Variants in FAM114A1 observed in about 807,000 individuals in gnomAD.
FAM114A1 encodes family with sequence similarity 114 member A1.
A neutral mutation model predicts 64.3 loss-of-function variants in FAM114A1; 62 were observed. The observed-to-expected ratio is 0.96, with a 90% CI of 0.79 to 1.19. The LOEUF (loss-of-function observed/expected upper bound fraction) is 1.19. Among genes scored for constraint, FAM114A1 ranks in the 50% most tolerant of loss-of-function variants. The pLI is 0.00. For synonymous variants in FAM114A1, 254 were observed against 251.1 expected (o/e 1.01, Z -0.11); for missense variants, 645 against 676.3 (o/e 0.95, Z 0.51).
At chr4:38,922,502 T>G (rs558042756) in intron 8 of FAM114A1, among the ~76,000 whole-genome samples, 5 of 152,238 alleles carry the variant, frequency 3.3e-5, no homozygotes, top group Non-Finnish European at 7.3e-5. Flanking sequence ...CAGCACATAC[T>G]GTGTGCAGTT....
At chr4:38,877,752 G>T (rs544428169) in intron 2 of FAM114A1, among the ~76,000 whole-genome samples, 1 of 152,268 alleles carries the variant, frequency 6.6e-6, no homozygotes, top group South Asian at 2.1e-4. Context: ...ATCACCTGAG[G>T]TCGGGAGTTC....
At chr4:38,922,701 A>G (rs1310985681) in intron 8 of FAM114A1, 69 bp from the exon 9 acceptor site, 1 of 1,533,388 alleles carries the variant, frequency 6.5e-7, no homozygotes, top group Non-Finnish European at 8.7e-7. Flanking sequence ...AAAACTGGGG[A>G]CCGCTGTGTG....
At position 38,905,412 on chromosome 4, in the gene FAM114A1, A is replaced by G. The variant is rs79875546; in HGVS notation, c.437-110A>G. The stretch of plus-strand genomic sequence containing the variant: ...AGACTCCATCTTTTAAAAAAAAAAA[A>G]AAAGAAAGATGTACTTCTGCAACTT... On this transcript the variant is annotated intron_variant, in intron 4 of 14. Coordinates refer to ENST00000358869, the MANE Select transcript of FAM114A1 (RefSeq NM_138389.4). 3,521 of 832,866 alleles carry G rather than the reference A, an allele frequency of 4.2e-3. 96 individuals are homozygous for G. The African/African-American group carries it at 0.051, about 12-fold the overall frequency. The allele number at this position is 832,866 out of a possible 1,614,324, so 51.6% of individuals were successfully genotyped here. A position where few individuals can be genotyped will look rare whatever the true frequency, so the allele number is the denominator to read the frequency against.
chr4:38,930,394 A>G (rs1394516183), intron 10 of FAM114A1, among the ~76,000 whole-genome samples: 1 of 152,080 alleles, frequency 6.6e-6, no homozygotes, highest in East Asian at 1.9e-4. Flanking sequence ...TAATTTCTTT[A>G]TCTCTGATGG....
At chr4:38,895,093 A>G (rs974395022) in intron 4 of FAM114A1, among the ~76,000 whole-genome samples, 1 of 152,198 alleles carries the variant, frequency 6.6e-6, no homozygotes, top group Non-Finnish European at 1.5e-5. Flanking sequence ...GAAGGCACCC[A>G]TAACTTTAAA....
At chr4:38,913,986 G>C (rs1340928230) in intron 7 of FAM114A1, among the ~76,000 whole-genome samples, 2 of 151,958 alleles carry the variant, frequency 1.3e-5, no homozygotes, top group African/African-American at 4.8e-5. Context: ...TGTAATCCCA[G>C]CTACTCGGGA....
At chr4:38,918,094 CA>C (rs1039379733) in intron 8 of FAM114A1, among the ~76,000 whole-genome samples, 2 of 151,726 alleles carry the variant, frequency 1.3e-5, no homozygotes, top group African/African-American at 4.8e-5. Context: ...CATGGTGACG[CA>C]TGCCTTTAAT....
chr4:38,930,034 G>T (rs532473432), intron 10 of FAM114A1, among the ~76,000 whole-genome samples: 1 of 151,956 alleles, frequency 6.6e-6, no homozygotes, highest in Non-Finnish European at 1.5e-5. Flanking sequence ...ATTTCACCCC[G>T]CCCCCCTTCT....
At position 38,931,584 on chromosome 4, in the gene FAM114A1, A is replaced by G; in HGVS notation, c.1295A>G (p.Lys432Arg). The G allele has an allele frequency of 1.9e-6, 3 of 1,613,530 alleles. No individual in the cohort carries two copies. The highest frequency in any genetic ancestry group is 2.5e-6 in the Non-Finnish European group (3 of 1,179,840). Residue 432 changes from lysine (K) to arginine (R), a missense_variant, in exon 11 of 15, where the codon AAG (lysine) becomes AGG (arginine). Physicochemically the swap from Lys to Arg is conservative, Grantham distance 26. Coordinates refer to ENST00000358869, the MANE Select transcript of FAM114A1 (RefSeq NM_138389.4). ...EKSQDPQEDK[K>R]EEKKTKTIEE... ...TCTCAAGACCCTCAAGAAGACAAAAAGGAGGAAAAGAAAACTAAGACCATA... is the reference window on the plus strand; with the variant it reads ...TCTCAAGACCCTCAAGAAGACAAAAGGGAGGAAAAGAAAACTAAGACCATA...
At chr4:38,879,375 T>C (rs1464251474) in intron 3 of FAM114A1, among the ~76,000 whole-genome samples, 1 of 152,232 alleles carries the variant, frequency 6.6e-6, no homozygotes, top group African/African-American at 2.4e-5. Context: ...CTAGGGGCCC[T>C]GGGCATTCAC....
chr4:38,922,635 A>T, intron 8 of FAM114A1, 135 bp from the exon 9 acceptor site: 1 of 1,140,036 alleles, frequency 8.8e-7, no homozygotes, highest in Non-Finnish European at 1.2e-6. Flanking sequence ...AACATGCATC[A>T]AGCCAACATT....
intron 13 of FAM114A1, among the ~76,000 whole-genome samples, chr4:38,940,029 C>T (rs1483358989): frequency 6.6e-6 from 1 of 151,908 alleles, no homozygotes; most frequent in African/African-American, 2.4e-5. Flanking sequence ...GCTGGGATTA[C>T]AGGCACCTAC....
At position 38,878,375 on chromosome 4, in the gene FAM114A1, C is replaced by T; in HGVS notation, c.297C>T (p.Ser99=). 6.2e-7 allele frequency: 1 copy of T among 1,611,598 alleles called. No homozygotes were observed. The highest frequency in any genetic ancestry group is 8.5e-7 in the Non-Finnish European group (1 of 1,178,630). The change falls in exon 3 of 15, where the codon AGC becomes AGT. Residue 99 remains serine (S), a synonymous_variant. Transcript: ENST00000358869. Reference sequence around the variant, plus strand: ...TTGCTGAATGTATTGATTCCGTCAGCCTTGAGGCAGAACCCAGATCCGAAA... The same window carrying T: ...TTGCTGAATGTATTGATTCCGTCAGTCTTGAGGCAGAACCCAGATCCGAAA... The part of the protein sequence containing the change: ...DTLAECIDSV[S]LEAEPRSEIP...
intron 4 of FAM114A1, among the ~76,000 whole-genome samples, chr4:38,895,491 A>G (rs887822815): frequency 9.2e-5 from 14 of 152,220 alleles, no homozygotes; most frequent in African/African-American, 2.7e-4. Context: ...CCTTAATTAC[A>G]TGTGAAAATT....
intron 3 of FAM114A1, among the ~76,000 whole-genome samples, chr4:38,883,950 T>G (rs930665447): frequency 1.3e-5 from 2 of 152,176 alleles, no homozygotes; most frequent in Admixed American, 1.3e-4. Flanking sequence ...GGGAGCCTGT[T>G]AAAAATTCAG....
chr4:38,923,440 C>T (rs1266985286), intron 9 of FAM114A1, among the ~76,000 whole-genome samples: 2 of 151,980 alleles, frequency 1.3e-5, no homozygotes, highest in Non-Finnish European at 2.9e-5. Flanking sequence ...CCAGGATGGT[C>T]TCGATCTCTT....
At position 38,932,384 on chromosome 4, in the gene FAM114A1, T is replaced by C; in HGVS notation, c.1463+10T>C. On this transcript the variant is annotated intron_variant, in intron 12 of 14. Coordinates refer to ENST00000358869, the MANE Select transcript of FAM114A1 (RefSeq NM_138389.4). ...CAAAAGTTCTAATAAAGTAAGTAAA[T>C]GTTACTTTAAATTCTTATTTTCCCA... The C allele has an allele frequency of 6.3e-7, 1 of 1,585,682 alleles. No homozygotes were observed. Among genetic ancestry groups the C allele is most frequent in the Non-Finnish European group, 8.5e-7 (1 of 1,171,412 alleles).
chr4:38,869,016 A>C (rs1226504842), intron 2 of FAM114A1, among the ~76,000 whole-genome samples: 1 of 152,224 alleles, frequency 6.6e-6, no homozygotes, highest in Non-Finnish European at 1.5e-5. Context: ...AATCTGAGCG[A>C]TTCAGACCAT....
Position 38,939,568 on chromosome 4 carries a change from G to A in FAM114A1, c.1537-1400G>A, listed in dbSNP as rs558671374. 5.8e-4 allele frequency among the ~76,000 whole-genome samples: 88 copies of A among 152,218 alleles called. 3 individuals are homozygous for A. In the South Asian group the frequency reaches 0.01, roughly 18 times the overall value. ...TTCTGGTTACTTACTAAAATGACTG[G>A]GTTTTTAAAGAGGTTTCTCCCAAGG... On this transcript the variant is annotated intron_variant, in intron 13 of 14. Transcript: ENST00000358869.
Sources: gnomAD v4.1 joint callset for allele counts (sites outside exome capture counted in the v4.1 genomes callset) on GRCh38, gnomAD v4.1.1 for gene constraint, MANE v1.5 for transcripts, NCBI Gene and HGNC (gene_info 2026-07-23, HGNC 2026-07-21) for gene names.